Variants in ASB5 observed in about 807,000 individuals in gnomAD.
The protein encoded by ASB5 is ankyrin repeat and SOCS box containing 5, also known as ankyrin repeat and SOCS box protein 5.
A neutral mutation model predicts 42.1 loss-of-function variants in ASB5; 45 were observed. That is an observed-to-expected ratio of 1.07 (90% CI 0.84 to 1.37). The LOEUF is 1.37. Ranked by LOEUF, ASB5 falls within the 40% of genes most tolerant of loss-of-function variation. ASB5 has a pLI of 0.00. For synonymous variants in ASB5, 147 were observed against 150.6 expected (o/e 0.98, Z 0.18); for missense variants, 402 against 399.8 (o/e 1.01, Z -0.05).
chr4:176,251,826 C>T (rs866030452), intron 1 of ASB5, among the ~76,000 whole-genome samples: 10 of 151,474 alleles, frequency 6.6e-5, no homozygotes, highest in African/African-American at 2.2e-4. Flanking sequence ...CAGCATTAGG[C>T]GGAGGCGGGA....
Position 176,256,328 on chromosome 4 carries a change from A to G in ASB5, c.196+12585T>C, listed in dbSNP as rs1754154866. On this transcript the variant is annotated intron_variant, in intron 1 of 6. Transcript: ENST00000296525. Reference sequence around the variant, plus strand: ...AACATTTATGGTATAATGGTCTCATAGCAAAGAAAGAATACAAAAATCATT... The same window carrying G: ...AACATTTATGGTATAATGGTCTCATGGCAAAGAAAGAATACAAAAATCATT... Among the ~76,000 whole-genome samples the G allele has an allele frequency of 2.0e-5, 3 of 152,312 alleles. No individual in the cohort carries two copies. In the South Asian group the frequency reaches 6.2e-4, roughly 32 times the overall value.
chr4:176,272,014 T>C (rs1754477601), upstream of ASB5, among the ~76,000 whole-genome samples: 2 of 152,068 alleles, frequency 1.3e-5, no homozygotes, highest in Non-Finnish European at 2.9e-5. Flanking sequence ...CATACAAGAT[T>C]ATATGTAATC....
chr4:176,245,987 G>C (rs569161842), intron 1 of ASB5, among the ~76,000 whole-genome samples: 4 of 151,778 alleles, frequency 2.6e-5, no homozygotes, highest in Admixed American at 2.6e-4. Flanking sequence ...CATGGCACTT[G>C]TATACATATG....
intron 2 of ASB5, among the ~76,000 whole-genome samples, chr4:176,274,389 T>G (rs1349226820): frequency 1.3e-5 from 2 of 152,370 alleles, no homozygotes; most frequent in South Asian, 4.1e-4. Flanking sequence ...TATTTATATT[T>G]TCTGGAGTCC....
intron 1 of ASB5, chr4:176,275,921 C>G (rs1000391679): frequency 3.3e-5 from 5 of 152,224 alleles, no homozygotes; most frequent in African/African-American, 1.2e-4. Context: ...GTATAGAAGA[C>G]AGAAAATGAG....
At chr4:176,215,813 C>A (rs904039801) in intron 6 of ASB5, 86 bp from the exon 7 acceptor site, 46 of 1,337,272 alleles carry the variant, frequency 3.4e-5, no homozygotes, top group Non-Finnish European at 4.4e-5. Context: ...ACCATAAAAA[C>A]TACAATGCTT....
At chr4:176,244,536 G>A (rs748872963) in intron 1 of ASB5, among the ~76,000 whole-genome samples, 2 of 152,184 alleles carry the variant, frequency 1.3e-5, no homozygotes, top group Non-Finnish European at 2.9e-5. Context: ...TCCTCTAACA[G>A]TGGCTATCTC....
At chr4:176,222,482 T>G (rs1259383367) in intron 2 of ASB5, 62 bp from the exon 3 acceptor site, 4 of 1,344,666 alleles carry the variant, frequency 3.0e-6, no homozygotes, top group Non-Finnish European at 4.2e-6. Context: ...ATCATCTATA[T>G]GGATGTCACT....
chr4:176,274,909 AT>A (rs35690692), intron 2 of ASB5, among the ~76,000 whole-genome samples: 14,889 of 106,158 alleles, frequency 0.14, 360 homozygotes, highest in Middle Eastern at 0.22. Context: ...CAGCATAGCA[AT>A]TTTTTTTTTT....
upstream of ASB5, among the ~76,000 whole-genome samples, chr4:176,269,791 T>C (rs1280311357): frequency 6.6e-6 from 1 of 152,098 alleles, no homozygotes; most frequent in African/African-American, 2.4e-5. Flanking sequence ...ACAAGTAGAA[T>C]GGTCCCTGCC....
At chr4:176,231,784 G>A (rs1753552912) in intron 1 of ASB5, among the ~76,000 whole-genome samples, 1 of 152,042 alleles carries the variant, frequency 6.6e-6, no homozygotes, top group South Asian at 2.1e-4. Context: ...GTTTGAGGCT[G>A]CAGTGAGCTG....
chr4:176,242,763 T>C (rs1282938026), intron 1 of ASB5, among the ~76,000 whole-genome samples: 1 of 152,208 alleles, frequency 6.6e-6, no homozygotes, highest in African/African-American at 2.4e-5. Flanking sequence ...CATCAATTTG[T>C]GGAAAGTGAG....
At chr4:176,234,101 A>G (rs1194013123) in intron 1 of ASB5, among the ~76,000 whole-genome samples, 9 of 152,200 alleles carry the variant, frequency 5.9e-5, no homozygotes. Context: ...GATGTATTGC[A>G]AAAGTCTCCT....
intron 1 of ASB5, among the ~76,000 whole-genome samples, chr4:176,245,828 C>A (rs1753900478): frequency 6.6e-6 from 1 of 152,060 alleles, no homozygotes; most frequent in Admixed American, 6.6e-5. Flanking sequence ...TATTCTTATT[C>A]TTCGGTGGGA....
upstream of ASB5, among the ~76,000 whole-genome samples, chr4:176,272,939 A>AT (rs1754496134): frequency 8.2e-6 from 1 of 121,890 alleles, no homozygotes; most frequent in Non-Finnish European, 1.7e-5. Context: ...ACCTTCGATG[A>AT]CCTTTTTTTT....
intron 6 of ASB5, among the ~76,000 whole-genome samples, chr4:176,216,353 A>AT (rs1356772144): frequency 7.9e-5 from 12 of 151,726 alleles, no homozygotes; most frequent in Admixed American, 3.9e-4. Context: ...TAAAATTATC[A>AT]TTTTTTTTCT....
intron 1 of ASB5, among the ~76,000 whole-genome samples, chr4:176,241,848 G>C (rs56013138): frequency 0.012 from 1,798 of 152,198 alleles, 21 homozygotes; most frequent in South Asian, 0.029. Context: ...CTCTCCTATA[G>C]GAGAGAATGG....
rs377210099 is a variant in ASB5, at chr4:176,269,041, G to C, written c.68C>G (p.Ser23Trp). Residue 23 changes from serine (S) to tryptophan (W), a missense_variant, in exon 1 of 7, where the codon TCG (serine) becomes TGG (tryptophan). Coordinates refer to ENST00000296525, the MANE Select transcript of ASB5 (RefSeq NM_080874.4). Reference protein sequence around the residue: ...QLSNVYFTILSLFCFKLFVKI... With the variant: ...QLSNVYFTILWLFCFKLFVKI... ...CACAAAAAGCTTAAAACAGAACAGC[G>C]AAAGTATTGTAAAGTAGACATTGGA... 6.2e-6 allele frequency: 10 copies of C among 1,613,380 alleles called. No homozygotes were observed. The highest frequency in any genetic ancestry group is 6.8e-6 in the Non-Finnish European group (8 of 1,179,680).
chr4:176,241,673 G>A (rs1398996953), intron 1 of ASB5: 4 of 1,345,782 alleles, frequency 3.0e-6, no homozygotes, highest in Non-Finnish European at 3.8e-6. Context: ...TAGTGATAGT[G>A]AGTGAGGGCA....
Sources: gnomAD v4.1 joint callset for allele counts (sites outside exome capture counted in the v4.1 genomes callset) on GRCh38, gnomAD v4.1.1 for gene constraint, MANE v1.5 for transcripts, NCBI Gene and HGNC (gene_info 2026-07-23, HGNC 2026-07-21) for gene names.